Variants in GALNT14 observed in about 807,000 individuals in gnomAD.
GALNT14 encodes UDP-GalNAc:polypeptide N-acetylgalactosaminyltransferase 14.
A neutral mutation model predicts 77.5 loss-of-function variants in GALNT14; 60 were observed. The ratio of observed to expected loss-of-function variants is 0.77; its 90% CI spans 0.63 to 0.96. The LOEUF (loss-of-function observed/expected upper bound fraction) is 0.96, where lower values mean the gene tolerates loss of function less well. Ranked by LOEUF, GALNT14 falls within the 40% of genes least tolerant of loss-of-function variation. The pLI, the probability that GALNT14 is intolerant of heterozygous loss-of-function variation, is 0.00. For missense variants in GALNT14, 710 were observed against 731.0 expected (o/e 0.97, Z 0.33); for synonymous variants, 280 against 281.7 (o/e 0.99, Z 0.06).
intron 1 of GALNT14, chr2:31,129,582 GA>G: frequency 1.0e-6 from 1 of 985,256 alleles, no homozygotes; most frequent in Non-Finnish European, 1.2e-6. Flanking sequence ...GAGATCCTAG[GA>G]AACAATAAGC....
intron 6 of GALNT14, among the ~76,000 whole-genome samples, chr2:30,947,686 G>A (rs934069197): frequency 1.3e-5 from 2 of 152,192 alleles, no homozygotes; most frequent in Non-Finnish European, 2.9e-5. Context: ...CCTTTGGCCA[G>A]CACAGGCAGG....
intron 1 of GALNT14, among the ~76,000 whole-genome samples, chr2:31,031,914 T>A (rs1672440034): frequency 6.6e-6 from 1 of 152,148 alleles, no homozygotes; most frequent in African/African-American, 2.4e-5. Flanking sequence ...AGTCTTCCTG[T>A]TTTGAAGCTC....
chr2:31,120,210 G>C (rs1431664155), intron 1 of GALNT14, among the ~76,000 whole-genome samples: 2 of 148,408 alleles, frequency 1.3e-5, no homozygotes, highest in Admixed American at 6.7e-5. Flanking sequence ...AGGATTTCTA[G>C]AATATATACT....
At chr2:31,135,238 C>T (rs969108386) in intron 1 of GALNT14, among the ~76,000 whole-genome samples, 1 of 152,164 alleles carries the variant, frequency 6.6e-6, no homozygotes, top group African/African-American at 2.4e-5. Context: ...AGAACCTTCT[C>T]CCAAACTCAC....
rs113912401 is a variant in GALNT14 at position 31,062,259 on chromosome 2, T to C, written c.130-69252A>G. 6.4e-3 allele frequency among the ~76,000 whole-genome samples: 978 copies of C among 152,256 alleles called. 12 individuals carry two copies. Among genetic ancestry groups the C allele is most frequent in the African/African-American group, 0.022 (901 of 41,534 alleles). ...CCCCAGTGTGTGATGTTCCCCTCCC[T>C]GTGTCCACGTGTTCTCATTTTTCAA... is the stretch of plus-strand genomic sequence containing the variant. On this transcript the variant is annotated intron_variant, in intron 1 of 14. Transcript: ENST00000349752.
chr2:31,051,563 G>A (rs1673868448), intron 1 of GALNT14, among the ~76,000 whole-genome samples: 1 of 152,154 alleles, frequency 6.6e-6, no homozygotes, highest in African/African-American at 2.4e-5. Context: ...CCGGACCTTT[G>A]GATTTCAGAG....
intron 1 of GALNT14, among the ~76,000 whole-genome samples, chr2:31,128,758 G>C (rs991092265): frequency 6.6e-6 from 1 of 152,144 alleles, no homozygotes; most frequent in Non-Finnish European, 1.5e-5. Context: ...TTGCACCACC[G>C]AGTCTGCCGT....
At chr2:30,965,257 T>C (rs1667934402) in intron 3 of GALNT14, among the ~76,000 whole-genome samples, 2 of 152,182 alleles carry the variant, frequency 1.3e-5, no homozygotes, top group African/African-American at 4.8e-5. Context: ...GACCTTGATT[T>C]AGTATCTCCA....
At chr2:30,902,081 C>T in the GALNT14 span, among the ~76,000 whole-genome samples, 1 of 152,196 alleles carries the variant, frequency 6.6e-6, no homozygotes, top group African/African-American at 2.4e-5. Context: ...TCAGCATCTA[C>T]CAAAACATCA....
chr2:31,008,401 C>T (rs1670808183), intron 1 of GALNT14, among the ~76,000 whole-genome samples: 1 of 152,116 alleles, frequency 6.6e-6, no homozygotes, highest in African/African-American at 2.4e-5. Context: ...CCTGCCAACC[C>T]TCAGATTTTT....
chr2:30,907,713 G>A (rs1465902007), downstream of GALNT14, among the ~76,000 whole-genome samples: 12 of 149,218 alleles, frequency 8.0e-5, no homozygotes, highest in African/African-American at 3.0e-4. Context: ...CATTTTATGA[G>A]GCCAGCATCA....
intron 1 of GALNT14, among the ~76,000 whole-genome samples, chr2:31,058,895 T>A (rs1674410354): frequency 6.6e-6 from 1 of 152,230 alleles, no homozygotes; most frequent in South Asian, 2.1e-4. Context: ...ATATCTCAAA[T>A]TCTTTTTCAA....
chr2:31,033,493 T>G (rs1672535758), intron 1 of GALNT14, among the ~76,000 whole-genome samples: 1 of 152,196 alleles, frequency 6.6e-6, no homozygotes, highest in South Asian at 2.1e-4. Context: ...AGCTAAATTC[T>G]GATAATGCTA....
intron 1 of GALNT14, among the ~76,000 whole-genome samples, chr2:31,017,431 C>T (rs1374728259): frequency 6.6e-6 from 1 of 152,198 alleles, no homozygotes; most frequent in East Asian, 1.9e-4. Context: ...TAACAGAGTA[C>T]CCATTTTTAT....
intron 1 of GALNT14, among the ~76,000 whole-genome samples, chr2:31,128,727 C>T (rs1251283860): frequency 2.0e-5 from 3 of 152,150 alleles, no homozygotes; most frequent in Non-Finnish European, 2.9e-5. Flanking sequence ...GGGGGAAGGG[C>T]GGAGAGCCTC....
chr2:31,124,900 C>T lies in GALNT14; in HGVS notation c.129+13058G>A, dbSNP rs541234021. Among the ~76,000 whole-genome samples, 3 of 151,692 alleles carry T rather than the reference C, an allele frequency of 2.0e-5. No individual in the cohort carries two copies. The East Asian group carries it at 5.8e-4, about 29-fold the overall frequency. ...CTCCCCTGGAAGCCTCTTCTTTCTA[C>T]GTGGACTCCTGGCCAATAACGGAGG... On this transcript the variant is annotated intron_variant, in intron 1 of 14. Transcript: ENST00000349752.
intron 1 of GALNT14, among the ~76,000 whole-genome samples, chr2:31,028,420 G>A (rs1672203837): frequency 6.6e-6 from 1 of 152,218 alleles, no homozygotes; most frequent in Non-Finnish European, 1.5e-5. Context: ...GAACTAGAAA[G>A]AGACCCTAAT....
intron 1 of GALNT14, among the ~76,000 whole-genome samples, chr2:31,087,657 A>C (rs1056407310): frequency 1.2e-4 from 18 of 152,190 alleles, no homozygotes; most frequent in African/African-American, 4.1e-4. Flanking sequence ...CAAATCCAAA[A>C]GAGAAAGGAA....
chr2:31,100,846 A>C (rs553403223), intron 1 of GALNT14, among the ~76,000 whole-genome samples: 1 of 152,190 alleles, frequency 6.6e-6, no homozygotes, highest in Non-Finnish European at 1.5e-5. Flanking sequence ...CTTAGCCAAG[A>C]CTACCTTAAG....
Sources: allele counts gnomAD v4.1 joint callset (sites outside exome capture counted in the v4.1 genomes callset), GRCh38; gene constraint gnomAD v4.1.1; transcripts MANE v1.5; gene names NCBI Gene and HGNC (gene_info 2026-07-23, HGNC 2026-07-21).